The following ERC1 variants were observed in gnomAD, a reference collection of about 807,000 sequenced individuals.
ERC1 encodes the protein ELKS/RAB6-interacting/CAST family member 1, also known as RAB6 interacting protein 2.
A neutral mutation model predicts 132.0 loss-of-function variants in ERC1; 56 were observed. That is an observed-to-expected ratio of 0.42 (90% CI 0.34 to 0.53). ERC1 has a LOEUF of 0.53. ERC1 is among the 20% of genes least tolerant of loss of function. ERC1 has a pLI of 0.03. For missense variants in ERC1, 1,202 were observed against 1,349.9 expected, an observed-to-expected ratio of 0.89 and a Z score of 1.72; for synonymous variants, 478 against 476.1, an observed-to-expected ratio of 1.00 and a Z score of -0.05.
At chr12:1,289,760 A>G (rs980454232) in intron 14 of ERC1, 92 bp from the exon 15 acceptor site, 3 of 983,032 alleles carry the variant, frequency 3.1e-6, no homozygotes, top group East Asian at 2.4e-5. Flanking sequence ...CGTCTCTTCA[A>G]TTTTCTGGAC....
At chr12:1,200,729 T>C (rs897315367) in intron 12 of ERC1, among the ~76,000 whole-genome samples, 11 of 152,092 alleles carry the variant, frequency 7.2e-5, no homozygotes, top group African/African-American at 2.4e-4. Context: ...CGGCTAGTTT[T>C]TTGTATTTTT....
chr12:1,388,226 G>A (rs1278597475), intron 16 of ERC1, among the ~76,000 whole-genome samples: 2 of 151,810 alleles, frequency 1.3e-5, no homozygotes, highest in Non-Finnish European at 2.9e-5. Context: ...GTGGGCACCT[G>A]TAGTCCCAGC....
intron 15 of ERC1, among the ~76,000 whole-genome samples, chr12:1,352,099 G>A (rs2085053984): frequency 6.6e-6 from 1 of 152,042 alleles, no homozygotes; most frequent in South Asian, 2.1e-4. Context: ...GAGTCACCAG[G>A]CCTTAACCTT....
chr12:1,272,902 C>G lies in ERC1; in HGVS notation c.2619+9737C>G, dbSNP rs556851706. 8.0e-5 allele frequency among the ~76,000 whole-genome samples: 11 copies of G among 137,268 alleles called. No homozygotes were observed. The South Asian group carries it at 2.6e-3, about 33-fold the overall frequency. The allele number at this position is 137,268 out of a possible 152,430, so 90.1% of individuals were successfully genotyped here. On this transcript the variant is annotated intron_variant, in intron 14 of 18. Coordinates refer to ENST00000360905, the MANE Select transcript of ERC1 (RefSeq NM_178040.4). ...AGCAGAGGTTGCAGTGAGCTGAGAT[C>G]ATGCCACTGCACTCTAGCCTCAGTG...
At chr12:993,336 A>G (rs909196799) in intron 1 of ERC1, among the ~76,000 whole-genome samples, 1 of 152,186 alleles carries the variant, frequency 6.6e-6, no homozygotes. Context: ...CTAAAATGAC[A>G]TTTGCATGGC....
At chr12:1,351,614 T>C (rs2085003835) in intron 15 of ERC1, among the ~76,000 whole-genome samples, 1 of 152,230 alleles carries the variant, frequency 6.6e-6, no homozygotes, top group Non-Finnish European at 1.5e-5. Context: ...TGGTGAGGTG[T>C]CTGTTAAGGT....
In ERC1 at chr12:1,083,503, G is replaced by A. The variant is rs752379790; in HGVS notation, c.1009G>A (p.Ala337Thr). Residue 337 changes from alanine (A) to threonine (T), a missense_variant, in exon 3 of 19, where the codon GCA becomes ACA. Coordinates refer to ENST00000360905, the MANE Select transcript of ERC1 (RefSeq NM_178040.4). ...AGACCATGAGAGAACAAGACGACTG[G>A]CAGAGGCAGAGATGCACGTTCATCA... ...EEDHERTRRL[A>T]EAEMHVHHLE... 4.3e-6 allele frequency: 7 copies of A among 1,614,006 alleles called. No homozygotes were observed.
At chr12:1,351,029 A>T (rs923102466) in intron 15 of ERC1, among the ~76,000 whole-genome samples, 1 of 152,186 alleles carries the variant, frequency 6.6e-6, no homozygotes, top group Admixed American at 6.5e-5. Context: ...TTCCTGAAGG[A>T]TTCATGCCCC....
chr12:1,210,067 A>G (rs1957724988), intron 12 of ERC1, among the ~76,000 whole-genome samples: 1 of 152,210 alleles, frequency 6.6e-6, no homozygotes, highest in Admixed American at 6.5e-5. Flanking sequence ...TTAAATGTAT[A>G]AAAGCATATT....
At chr12:1,206,214 TAGAA>T (rs1957340893) in intron 12 of ERC1, among the ~76,000 whole-genome samples, 1 of 152,096 alleles carries the variant, frequency 6.6e-6, no homozygotes, top group Admixed American at 6.5e-5. Context: ...TTTTTCTAGA[TAGAA>T]ACATTTTACC....
chr12:1,439,746 G>T (rs577569240), intron 17 of ERC1, among the ~76,000 whole-genome samples: 1 of 152,106 alleles, frequency 6.6e-6, no homozygotes, highest in Admixed American at 6.5e-5. Context: ...TATTGAGGTC[G>T]CATGTGGAAA....
chr12:1,158,251 TTGTTA>T (rs1392631520), intron 8 of ERC1, among the ~76,000 whole-genome samples: 1 of 152,218 alleles, frequency 6.6e-6, no homozygotes, highest in Non-Finnish European at 1.5e-5. Context: ...TGGTAAACTT[TTGTTA>T]TATTTTGCTG....
Position 1,065,478 on chromosome 12 carries a change from GTT to G in ERC1, c.670-17684_670-17683del, listed in dbSNP as rs1491271261. Reference sequence around the variant, plus strand: ...AATTGTTTTCCTATTTCTTTGTACCGTTTGTGTGTGTGTGTGTGTGTGTGTGT... The same window carrying G: ...AATTGTTTTCCTATTTCTTTGTACCGTGTGTGTGTGTGTGTGTGTGTGTGT... On this transcript the variant is annotated intron_variant, in intron 2 of 18. Coordinates refer to ENST00000360905, the MANE Select transcript of ERC1 (RefSeq NM_178040.4). 2.6e-5 allele frequency among the ~76,000 whole-genome samples: 3 copies of G among 113,602 alleles called. No individual in the cohort carries two copies. The East Asian group carries it at 7.0e-4, about 27-fold the overall frequency. 74.5% of individuals were successfully genotyped at this position (113,602 alleles called of 152,430 possible). A position where few individuals can be genotyped will look rare whatever the true frequency, so the allele number is the denominator to read the frequency against.
chr12:1,097,715 A>ATTTTTTT (rs544266211), intron 3 of ERC1, among the ~76,000 whole-genome samples: 1 of 137,452 alleles, frequency 7.3e-6, no homozygotes, highest in Non-Finnish European at 1.6e-5. Flanking sequence ...TTAATTTTTA[A>ATTTTTTT]TTTTTTTTTT....
At chr12:1,397,701 G>A (rs1176895738) in intron 16 of ERC1, among the ~76,000 whole-genome samples, 1 of 152,118 alleles carries the variant, frequency 6.6e-6, no homozygotes, top group African/African-American at 2.4e-5. Context: ...TAAAAAGGAG[G>A]GAACAGGATA....
chr12:1,158,941 CAAGTT>C (rs961373888), intron 8 of ERC1, among the ~76,000 whole-genome samples: 14 of 150,950 alleles, frequency 9.3e-5, no homozygotes, highest in Admixed American at 5.9e-4. Context: ...TATAATCACT[CAAGTT>C]AAGTAAACAT....
chr12:1,260,834 C>T (rs182010211), intron 13 of ERC1, among the ~76,000 whole-genome samples: 78 of 152,280 alleles, frequency 5.1e-4, no homozygotes, highest in African/African-American at 1.7e-3. Context: ...TATAATATCA[C>T]GTAAATATTA....
At chr12:1,244,857 A>G (rs940816716) in intron 13 of ERC1, 2 of 154,346 alleles carry the variant, frequency 1.3e-5, no homozygotes, top group Non-Finnish European at 2.9e-5. Flanking sequence ...TTTAATCTTT[A>G]TCAGATGCCG....
chr12:1,181,659 G>A (rs889737926), intron 9 of ERC1, among the ~76,000 whole-genome samples: 1 of 151,666 alleles, frequency 6.6e-6, no homozygotes, highest in African/African-American at 2.4e-5. Flanking sequence ...TTAGCCAGGC[G>A]TGGTGGCATG....
Sources: allele counts gnomAD v4.1 joint callset (sites outside exome capture counted in the v4.1 genomes callset), GRCh38; gene constraint gnomAD v4.1.1; transcripts MANE v1.5; gene names NCBI Gene and HGNC (gene_info 2026-07-23, HGNC 2026-07-21).